The following MAGI2 variants were observed in gnomAD, a reference collection of about 807,000 sequenced individuals.
The protein encoded by MAGI2 is membrane-associated guanylate kinase, WW and PDZ domain-containing protein 2.
In MAGI2, 35 loss-of-function variants were observed where a neutral mutation model predicts 133.3. The observed-to-expected ratio is 0.26, with a 90% confidence interval of 0.20 to 0.35. The LOEUF (loss-of-function observed/expected upper bound fraction) is 0.35, where lower values mean the gene tolerates loss of function less well. MAGI2 is among the 10% of genes least tolerant of loss of function. The pLI is 1.00. For synonymous variants in MAGI2, 729 were observed against 710.6 expected, an observed-to-expected ratio of 1.03 and a Z score of -0.41; for missense variants, 1,636 against 1,863.4, an observed-to-expected ratio of 0.88 and a Z score of 2.25.
At chr7:79,034,375 C>T (rs1462850301) in intron 1 of MAGI2, among the ~76,000 whole-genome samples, 3 of 152,076 alleles carry the variant, frequency 2.0e-5, no homozygotes, top group African/African-American at 4.8e-5. Flanking sequence ...ATCCAGGTTG[C>T]GGGTGAGTAT....
At position 78,831,796 on chromosome 7, in the gene MAGI2, G is replaced by T. The variant is rs575728033; in HGVS notation, c.418+175294C>A. Among the ~76,000 whole-genome samples, 51 of 152,034 alleles carry T rather than the reference G, an allele frequency of 3.4e-4. 1 individual carries two copies. The South Asian group carries it at 0.01, about 30-fold the overall frequency. The stretch of plus-strand genomic sequence containing the variant: ...TGAATTTACATTTCATACCTTCATT[G>T]TACAGCAAGATAAATTGTTCTAATT... On this transcript the variant is annotated intron_variant, in intron 2 of 21. Coordinates refer to ENST00000354212, the MANE Select transcript of MAGI2 (RefSeq NM_012301.4).
chr7:78,620,836 AC>A (rs1256574319), intron 3 of MAGI2, among the ~76,000 whole-genome samples: 3 of 152,156 alleles, frequency 2.0e-5, no homozygotes, highest in East Asian at 3.9e-4. Flanking sequence ...TATTTTAAAA[AC>A]AAAACAGCCT....
chr7:79,304,727 G>T (rs1278260165), intron 1 of MAGI2, among the ~76,000 whole-genome samples: 1 of 152,176 alleles, frequency 6.6e-6, no homozygotes. Flanking sequence ...GAAACACCAG[G>T]TCTAATTCCC....
intron 1 of MAGI2, among the ~76,000 whole-genome samples, chr7:79,243,530 G>C (rs1049446663): frequency 2.0e-5 from 3 of 152,154 alleles, no homozygotes; most frequent in Non-Finnish European, 4.4e-5. Flanking sequence ...TTAGGAGTTA[G>C]TGGGTTAAAA....
In MAGI2 at chr7:78,856,245, C is replaced by G. The variant is rs566595341; in HGVS notation, c.418+150845G>C. Among the ~76,000 whole-genome samples the G allele has an allele frequency of 7.2e-5, 11 of 152,280 alleles. No homozygotes were observed. In the East Asian group the frequency reaches 1.4e-3, roughly 19 times the overall value. ...TACTTTCTTTTGCTGTGCAGAAGCTCTTTAGTTTAATTAGATCCCATTTGT... is the reference window on the plus strand; with the variant it reads ...TACTTTCTTTTGCTGTGCAGAAGCTGTTTAGTTTAATTAGATCCCATTTGT... On this transcript the variant is annotated intron_variant, in intron 2 of 21. Coordinates refer to ENST00000354212, the MANE Select transcript of MAGI2 (RefSeq NM_012301.4).
chr7:79,189,933 C>A (rs1827507403), intron 1 of MAGI2, among the ~76,000 whole-genome samples: 1 of 151,768 alleles, frequency 6.6e-6, no homozygotes, highest in African/African-American at 2.4e-5. Context: ...AGGTCCCTCC[C>A]TGTCTTTTTA....
Position 79,337,298 on chromosome 7 carries a change from C to T in MAGI2, c.301+115722G>A, listed in dbSNP as rs146298331. ...GAAATTGAGCACATTTTATATTGTA[C>T]ATTCCACTGTGAAATTCATTGTGAA... On this transcript the variant is annotated intron_variant, in intron 1 of 21. Coordinates refer to ENST00000354212, the MANE Select transcript of MAGI2 (RefSeq NM_012301.4). 3.6e-3 allele frequency among the ~76,000 whole-genome samples: 555 copies of T among 152,246 alleles called. 3 individuals are homozygous for T. Among genetic ancestry groups the T allele is most frequent in the Non-Finnish European group, 6.4e-3 (432 of 67,998 alleles).
chr7:78,277,818 G>A (rs1268893315), intron 9 of MAGI2, among the ~76,000 whole-genome samples: 1 of 152,148 alleles, frequency 6.6e-6, no homozygotes, highest in Non-Finnish European at 1.5e-5. Flanking sequence ...AACAAGTAGT[G>A]AGACTATAGA....
intron 6 of MAGI2, among the ~76,000 whole-genome samples, chr7:78,425,945 TA>T (rs957209789): frequency 2.0e-5 from 3 of 151,988 alleles, no homozygotes; most frequent in South Asian, 2.1e-4. Flanking sequence ...CACAGTATAA[TA>T]AAAAAAATTG....
chr7:78,503,070 A>T (rs1794760923), intron 4 of MAGI2, among the ~76,000 whole-genome samples: 1 of 152,208 alleles, frequency 6.6e-6, no homozygotes, highest in Non-Finnish European at 1.5e-5. Context: ...GAAAAGAGGA[A>T]CAAAAGAGCA....
intron 21 of MAGI2, among the ~76,000 whole-genome samples, chr7:78,043,363 G>GA (rs34939192): frequency 0.23 from 34,240 of 152,092 alleles, 4,061 homozygotes; most frequent in Non-Finnish European, 0.26. Flanking sequence ...TAGGGGGTGG[G>GA]AAAATACCTG....
Position 78,586,296 on chromosome 7 carries a change from G to T in MAGI2, c.538+40824C>A, listed in dbSNP as rs1485347734. The stretch of plus-strand genomic sequence containing the variant: ...GGAAGGAACTTTGGCTAGCTTAGCT[G>T]TGATAACTAGAAAAGTAGAAAAGAC... On this transcript the variant is annotated intron_variant, in intron 3 of 21. Coordinates refer to ENST00000354212, the MANE Select transcript of MAGI2 (RefSeq NM_012301.4). Among the ~76,000 whole-genome samples the T allele has an allele frequency of 9.2e-5, 14 of 152,288 alleles. No homozygotes were observed. The East Asian group carries it at 2.7e-3, about 29-fold the overall frequency.
intron 2 of MAGI2, among the ~76,000 whole-genome samples, chr7:78,666,851 G>T (rs968252493): frequency 2.6e-5 from 4 of 152,134 alleles, no homozygotes; most frequent in South Asian, 2.1e-4. Flanking sequence ...TAAAAGTGAA[G>T]TCTTCAGATT....
chr7:78,194,802 A>G (rs1563244068), intron 12 of MAGI2, 72 bp downstream of exon 12: 1 of 1,253,242 alleles, frequency 8.0e-7, no homozygotes, highest in East Asian at 2.5e-5. Context: ...CAGATCATTC[A>G]GCCTCAATAT....
chr7:78,436,911 G>T (rs1584109858), intron 6 of MAGI2, among the ~76,000 whole-genome samples: 1 of 152,148 alleles, frequency 6.6e-6, no homozygotes, highest in African/African-American at 2.4e-5. Context: ...CAGGGGGATG[G>T]AAATGGCATT....
At chr7:79,072,610 A>C (rs1218031970) in intron 1 of MAGI2, among the ~76,000 whole-genome samples, 1 of 152,258 alleles carries the variant, frequency 6.6e-6, no homozygotes, top group Admixed American at 6.5e-5. Context: ...TATTCAAAAA[A>C]TCTGAGCATA....
At chr7:78,815,429 T>A (rs1220618832) in intron 2 of MAGI2, among the ~76,000 whole-genome samples, 1 of 152,124 alleles carries the variant, frequency 6.6e-6, no homozygotes, top group East Asian at 1.9e-4. Flanking sequence ...GAGACTAACA[T>A]TAGGATTAAA....
intron 6 of MAGI2, among the ~76,000 whole-genome samples, chr7:78,458,634 G>T: frequency 8.7e-6 from 1 of 114,428 alleles, no homozygotes; most frequent in African/African-American, 3.3e-5. Context: ...TCTGTTTTTT[G>T]TTAGGTTTTT....
intron 6 of MAGI2, among the ~76,000 whole-genome samples, chr7:78,392,792 C>A (rs989691512): frequency 6.6e-6 from 1 of 152,022 alleles, no homozygotes; most frequent in Non-Finnish European, 1.5e-5. Context: ...TACAGGCATG[C>A]GCCACTGCAC....
Sources: allele counts gnomAD v4.1 joint callset (sites outside exome capture counted in the v4.1 genomes callset), GRCh38; gene constraint gnomAD v4.1.1; transcripts MANE v1.5; gene names NCBI Gene and HGNC (gene_info 2026-07-23, HGNC 2026-07-21).